The following PSD3 variants were observed in gnomAD, a reference collection of about 807,000 sequenced individuals.
The protein encoded by PSD3 is PH and SEC7 domain-containing protein 3.
In PSD3, 49 loss-of-function variants were observed where a neutral mutation model predicts 105.5. The ratio of observed to expected loss-of-function variants is 0.46; its 90% CI spans 0.37 to 0.59. PSD3 has a LOEUF of 0.59. Ranked by LOEUF, PSD3 falls within the 20% of genes least tolerant of loss-of-function variation. The pLI is 0.00. For synonymous variants in PSD3, 557 were observed against 457.8 expected (o/e 1.22, Z -2.77); for missense variants, 1,561 against 1,263.8 (o/e 1.24, Z -3.57).
At chr8:18,741,795 TAAAAAAAAAAAAAAA>T (rs3042866) in intron 9 of PSD3, among the ~76,000 whole-genome samples, 1 of 79,686 alleles carries the variant, frequency 1.3e-5, no homozygotes, top group Non-Finnish European at 2.3e-5. Context: ...AATTTTATTG[TAAAAAAAAAAAAAAA>T]AAAAAAAAAG....
chr8:19,041,312 C>T (rs1828116391), intron 1 of PSD3, among the ~76,000 whole-genome samples: 1 of 152,174 alleles, frequency 6.6e-6, no homozygotes. Context: ...TTAATTGGAG[C>T]TGGCTGAGCT....
At chr8:18,954,702 G>A (rs953147836) in intron 1 of PSD3, among the ~76,000 whole-genome samples, 1 of 152,094 alleles carries the variant, frequency 6.6e-6, no homozygotes, top group Non-Finnish European at 1.5e-5. Flanking sequence ...CTAAACTTGG[G>A]TATATCTGAG....
intron 2 of PSD3, among the ~76,000 whole-genome samples, chr8:18,875,159 T>C (rs1328563174): frequency 6.6e-6 from 1 of 152,064 alleles, no homozygotes; most frequent in Non-Finnish European, 1.5e-5. Flanking sequence ...CCTCAAATGA[T>C]CCTCTCGCCT....
chr8:19,049,245 G>A (rs565923966), intron 1 of PSD3, among the ~76,000 whole-genome samples: 18 of 152,298 alleles, frequency 1.2e-4, no homozygotes, highest in African/African-American at 4.3e-4. Context: ...CCAAAAGGAG[G>A]TGATATCTTG....
chr8:18,905,970 A>C (rs1819820534), intron 2 of PSD3, among the ~76,000 whole-genome samples: 1 of 152,214 alleles, frequency 6.6e-6, no homozygotes, highest in African/African-American at 2.4e-5. Flanking sequence ...GCTTTGCAAA[A>C]ACAATTATAA....
chr8:18,807,944 T>C (rs536378510), intron 4 of PSD3, among the ~76,000 whole-genome samples: 80 of 152,270 alleles, frequency 5.3e-4, no homozygotes, highest in Non-Finnish European at 1.0e-3. Context: ...CTGTCTATGA[T>C]GTAAACATTT....
intron 1 of PSD3, among the ~76,000 whole-genome samples, chr8:19,008,812 C>T (rs1047822796): frequency 1.2e-4 from 19 of 152,136 alleles, no homozygotes; most frequent in African/African-American, 4.3e-4. Context: ...GAGCAGCTGC[C>T]GCCTGGTCTT....
intron 1 of PSD3, among the ~76,000 whole-genome samples, chr8:19,026,201 T>C (rs1222095202): frequency 2.0e-5 from 3 of 152,184 alleles, no homozygotes; most frequent in Non-Finnish European, 4.4e-5. Flanking sequence ...CAATTCAAGA[T>C]GAGATGAGGT....
intron 4 of PSD3, among the ~76,000 whole-genome samples, chr8:18,819,308 G>T (rs1341666566): frequency 6.6e-6 from 1 of 152,084 alleles, no homozygotes; most frequent in Non-Finnish European, 1.5e-5. Context: ...TAAAGTAACA[G>T]GCAGCACAAA....
At chr8:18,976,648 A>G (rs1377823457) in intron 1 of PSD3, among the ~76,000 whole-genome samples, 2 of 151,918 alleles carry the variant, frequency 1.3e-5, no homozygotes, top group African/African-American at 2.4e-5. Flanking sequence ...TCTACCTCAT[A>G]GGGATATTTT....
intron 1 of PSD3, among the ~76,000 whole-genome samples, chr8:18,986,167 A>G (rs1825485548): frequency 6.6e-6 from 1 of 152,304 alleles, no homozygotes; most frequent in African/African-American, 2.4e-5. Context: ...GCTTTCACAT[A>G]CAGAGAATAA....
chr8:18,671,907 A>G (rs1450404719), intron 9 of PSD3, among the ~76,000 whole-genome samples: 1 of 152,202 alleles, frequency 6.6e-6, no homozygotes, highest in Non-Finnish European at 1.5e-5. Context: ...CTGGAATTAC[A>G]GGCGTGAGCC....
chr8:18,926,989 C>G (rs1387118824), intron 2 of PSD3, among the ~76,000 whole-genome samples: 1 of 152,052 alleles, frequency 6.6e-6, no homozygotes, highest in African/African-American at 2.4e-5. Context: ...AACCCTTTCC[C>G]TGGGCTCAGT....
At chr8:19,047,070 TC>T (rs1043856300) in intron 1 of PSD3, among the ~76,000 whole-genome samples, 1 of 152,202 alleles carries the variant, frequency 6.6e-6, no homozygotes, top group African/African-American at 2.4e-5. Context: ...TCTCCGGGGC[TC>T]GTTGCCAGCA....
chr8:18,821,684 A>AACACACACACACAC (rs10527060), intron 4 of PSD3, among the ~76,000 whole-genome samples: 1,708 of 131,272 alleles, frequency 0.013, 42 homozygotes, highest in East Asian at 0.068. Flanking sequence ...TGACCCCCAC[A>AACACACACACACAC]ACACACACAC....
At chr8:18,873,274 G>GA (rs1228576977) in intron 2 of PSD3, among the ~76,000 whole-genome samples, 3 of 152,028 alleles carry the variant, frequency 2.0e-5, no homozygotes, top group African/African-American at 7.2e-5. Context: ...TCTGTGGAGG[G>GA]AAAAAATGCT....
intron 15 of PSD3, among the ~76,000 whole-genome samples, chr8:18,550,573 T>C (rs1048471741): frequency 2.0e-5 from 3 of 152,202 alleles, no homozygotes; most frequent in African/African-American, 7.2e-5. Flanking sequence ...CATCATTAAC[T>C]TAGCCCAGCC....
In PSD3 at chr8:18,801,368, G is replaced by A; in HGVS notation, c.1925C>T (p.Ala642Val). 1 of 1,594,748 alleles carries A rather than the reference G, an allele frequency of 6.3e-7. No individual in the cohort carries two copies. The highest frequency in any genetic ancestry group is 8.6e-7 in the Non-Finnish European group (1 of 1,166,182). ...TTGAGTTTCTCCCACAAGAGAGAAT[G>A]CTTTAAAGAAATACCTACAAGAGAA... ...LDQSLRYFFKAFSLVGETQER... is the reference protein window; with the variant it reads ...LDQSLRYFFKVFSLVGETQER... The change falls in exon 7 of 16, where the codon GCA (alanine) becomes GTA (valine). Residue 642 changes from alanine to valine, a missense_variant. Coordinates refer to ENST00000327040, the MANE Select transcript of PSD3 (RefSeq NM_015310.4).
chr8:18,620,670 A>G (rs1806050111), intron 11 of PSD3, among the ~76,000 whole-genome samples: 1 of 152,182 alleles, frequency 6.6e-6, no homozygotes, highest in Non-Finnish European at 1.5e-5. Context: ...AGATCACACC[A>G]CTGCACTATG....
Sources: allele counts gnomAD v4.1 joint callset (sites outside exome capture counted in the v4.1 genomes callset), GRCh38; gene constraint gnomAD v4.1.1; transcripts MANE v1.5; gene names NCBI Gene and HGNC (gene_info 2026-07-23, HGNC 2026-07-21).